Variants in RSRC2 observed in about 807,000 individuals in gnomAD.
The protein encoded by RSRC2 is arginine and serine rich coiled-coil 2.
In RSRC2, 5 loss-of-function variants were observed where a neutral mutation model predicts 61.3. The observed-to-expected ratio is 0.08, with a 90% CI of 0.04 to 0.17. The LOEUF (loss-of-function observed/expected upper bound fraction) is 0.17, where lower values mean the gene tolerates loss of function less well. RSRC2 is among the 10% of genes least tolerant of loss of function. The pLI is 1.00. For synonymous variants in RSRC2, 202 were observed against 166.5 expected (o/e 1.21, Z -1.64); for missense variants, 381 against 518.8 (o/e 0.73, Z 2.58).
intron 1 of RSRC2, 87 bp downstream of exon 1, chr12:122,526,761 C>G: frequency 2.0e-6 from 3 of 1,497,340 alleles, no homozygotes; most frequent in Non-Finnish European, 2.8e-6. Flanking sequence ...CACACATACA[C>G]ACGAACAAGG....
rs569060009 is a variant in RSRC2, at chr12:122,522,464, T to C, written c.7-165A>G. The C allele has an allele frequency of 8.6e-6, 5 of 578,668 alleles. No individual in the cohort carries two copies. The East Asian group carries it at 1.3e-4, about 15-fold the overall frequency. The allele number at this position is 578,668 out of a possible 1,614,324, so 35.8% of individuals were successfully genotyped here. On this transcript the variant is annotated intron_variant, in intron 1 of 9. Transcript: ENST00000331738. Reference sequence around the variant, plus strand: ...TGCTTTGTACACTAATAAGGCTGAATGGCTTGAAATGACGAACCTGATACT... The same window carrying C: ...TGCTTTGTACACTAATAAGGCTGAACGGCTTGAAATGACGAACCTGATACT...
intron 2 of RSRC2, among the ~76,000 whole-genome samples, chr12:122,521,778 G>A (rs1355380531): frequency 2.0e-5 from 3 of 152,158 alleles, no homozygotes; most frequent in African/African-American, 7.2e-5. Context: ...AAAAACTAAA[G>A]AAAATAAACA....
At chr12:122,505,764 C>T (rs1297098893) in intron 9 of RSRC2, 58 bp from the exon 10 acceptor site, 7 of 1,413,842 alleles carry the variant, frequency 5.0e-6, no homozygotes, top group Middle Eastern at 4.5e-4. Flanking sequence ...TATTCTCTCA[C>T]TTGACACTAT....
chr12:122,522,636 T>C lies in RSRC2; in HGVS notation c.7-337A>G, dbSNP rs533951544. On this transcript the variant is annotated intron_variant, in intron 1 of 9. Transcript: ENST00000331738. ...TTCAAGCAGAGAAAATAGTCCTTTT[T>C]AGATGTGTGAATGCATTTAGCTGAC... is the stretch of plus-strand genomic sequence containing the variant. Among the ~76,000 whole-genome samples, 8 of 152,332 alleles carry C rather than the reference T, an allele frequency of 5.3e-5. No individual in the cohort carries two copies. The East Asian group carries it at 1.5e-3, about 29-fold the overall frequency.
At chr12:122,513,729 C>A in intron 6 of RSRC2, 2 of 941,970 alleles carry the variant, frequency 2.1e-6, no homozygotes, top group Non-Finnish European at 2.5e-6. Flanking sequence ...GAATTAATAC[C>A]ATTCACTAAG....
chr12:122,522,209 G>T lies in RSRC2; in HGVS notation c.97C>A (p.Pro33Thr), dbSNP rs777312943. ...GAATAATGATGTTTTGAAGCTCTAG[G>T]AGAAACAGATACTTCTGACTGCTCT... ...KKEQSEVSVS[P>T]RASKHHYSRS... is the part of the protein sequence containing the mutation. The change falls in exon 2 of 10, where the codon CCT becomes ACT. Residue 33 changes from proline (P) to threonine (T), a missense_variant. Transcript: ENST00000331738. 1 of 1,614,008 alleles carries T rather than the reference G, an allele frequency of 6.2e-7. No homozygotes were observed. Among genetic ancestry groups the T allele is most frequent in the Non-Finnish European group, 8.5e-7 (1 of 1,179,966 alleles).
rs1179359621 is a variant in RSRC2, at chr12:122,504,910, T to C, written c.*617A>G. 6.6e-6 allele frequency: 1 copy of C among 152,666 alleles called. No homozygotes were observed. Among genetic ancestry groups the C allele is most frequent in the Non-Finnish European group, 1.5e-5 (1 of 68,058 alleles). 9.5% of individuals were successfully genotyped at this position (152,666 alleles called of 1,614,324 possible). ...TTTTACATTTTTGCTCACCACGGTATTGACTGTAGTATAGTTAACTGGCCT... is the reference window on the plus strand; with the variant it reads ...TTTTACATTTTTGCTCACCACGGTACTGACTGTAGTATAGTTAACTGGCCT... On this transcript the variant is annotated 3_prime_UTR_variant, in exon 10 of 10. Transcript: ENST00000331738.
rs372057039 is a variant in RSRC2 at position 122,522,110 on chromosome 12, C to T, written c.163+33G>A. 4.2e-5 allele frequency: 66 copies of T among 1,585,664 alleles called. No individual in the cohort carries two copies. The Middle Eastern group carries it at 7.9e-4, about 19-fold the overall frequency. On this transcript the variant is annotated intron_variant, in intron 2 of 9. Coordinates refer to ENST00000331738, the MANE Select transcript of RSRC2 (RefSeq NM_023012.6). ...CAGGTCTACATATCTTATACAAATG[C>T]TGAGAGTTGTAACCACCTTTAAGAA... is the stretch of plus-strand genomic sequence containing the variant.
rs764262365 is a variant in RSRC2, at chr12:122,515,140, G to A, written c.690C>T (p.Asn230=). Residue 230 remains asparagine, a synonymous_variant, in exon 6 of 10, where the codon AAC becomes AAT. Coordinates refer to ENST00000331738, the MANE Select transcript of RSRC2 (RefSeq NM_023012.6). ...TPSPPPFRGR[N]TAMDAQEALA... ...AAGCTTCCTGTGCATCCATTGCTGT[G>A]TTTCTGCCTCTGAAGGGAGGTGGAC... The A allele has an allele frequency of 1.2e-6, 2 of 1,614,130 alleles. No individual in the cohort carries two copies. Among genetic ancestry groups the A allele is most frequent in the East Asian group, 4.5e-5 (2 of 44,874 alleles).
chr12:122,521,310 A>G, intron 3 of RSRC2, 75 bp downstream of exon 3: 1 of 1,140,810 alleles, frequency 8.8e-7, no homozygotes, highest in Non-Finnish European at 1.3e-6. Flanking sequence ...ACAACGTCTT[A>G]TATTCATACA....
intron 8 of RSRC2, among the ~76,000 whole-genome samples, chr12:122,507,637 A>G (rs1467291691): frequency 2.6e-5 from 4 of 152,044 alleles, no homozygotes; most frequent in African/African-American, 7.2e-5. Context: ...TTTAGTATTA[A>G]TAACTGGCAA....
intron 7 of RSRC2, among the ~76,000 whole-genome samples, chr12:122,508,833 GTAA>G (rs1321774814): frequency 6.6e-6 from 1 of 151,884 alleles, no homozygotes; most frequent in African/African-American, 2.4e-5. Flanking sequence ...GTACATGCCC[GTAA>G]TCTCAGCTAC....
chr12:122,524,345 C>G (rs1959733223), intron 1 of RSRC2, among the ~76,000 whole-genome samples: 1 of 152,008 alleles, frequency 6.6e-6, no homozygotes, highest in Admixed American at 6.6e-5. Context: ...CAGAAGTGAT[C>G]TCGAAAATTT....
intron 8 of RSRC2, chr12:122,507,179 A>G (rs1279970162): frequency 4.4e-6 from 2 of 455,944 alleles, no homozygotes; most frequent in East Asian, 9.5e-5. Flanking sequence ...GGGGATCGAG[A>G]CTAGCCTGGA....
At chr12:122,520,906 A>T (rs189153544) in intron 3 of RSRC2, 40 of 237,832 alleles carry the variant, frequency 1.7e-4, no homozygotes, top group Non-Finnish European at 2.0e-4. Context: ...CCTCACTCAA[A>T]CCTTTATTTC....
intron 6 of RSRC2, among the ~76,000 whole-genome samples, chr12:122,513,055 T>C (rs1244279416): frequency 6.6e-6 from 1 of 151,404 alleles, no homozygotes; most frequent in Non-Finnish European, 1.5e-5. Context: ...ATTAGCTGGG[T>C]GTGGTGATGC....
intron 3 of RSRC2, chr12:122,520,186 A>G (rs953215629): frequency 4.7e-6 from 1 of 213,884 alleles, no homozygotes; most frequent in African/African-American, 2.4e-5. Context: ...ATTTTGGAAC[A>G]TGCATGATGA....
intron 2 of RSRC2, among the ~76,000 whole-genome samples, chr12:122,521,919 T>A (rs1353057130): frequency 6.6e-6 from 1 of 152,240 alleles, no homozygotes. Flanking sequence ...AAGAACTGCC[T>A]GAACCCAGCA....
rs1383725939 is a variant in RSRC2, at chr12:122,522,319, T to A, written c.7-20A>T. The A allele has an allele frequency of 6.4e-7, 1 of 1,568,666 alleles. No homozygotes were observed. The highest frequency in any genetic ancestry group is 1.4e-5 in the African/African-American group (1 of 72,434). ...ACTAGCCTAAAAGTTTAAAAACAAA[T>A]GATTAAAGTTCTTAATTACATTTTA... On this transcript the variant is annotated intron_variant, in intron 1 of 9. Coordinates refer to ENST00000331738, the MANE Select transcript of RSRC2 (RefSeq NM_023012.6).
Sources: gnomAD v4.1 joint callset for allele counts (sites outside exome capture counted in the v4.1 genomes callset) on GRCh38, gnomAD v4.1.1 for gene constraint, MANE v1.5 for transcripts, NCBI Gene and HGNC (gene_info 2026-07-23, HGNC 2026-07-21) for gene names.